The following PHF12 variants were observed in gnomAD, a reference collection of about 807,000 sequenced individuals.
PHF12 encodes the protein PHD finger protein 12.
Under a neutral mutation model 99.8 loss-of-function variants are expected in PHF12, and 6 were observed. The observed-to-expected ratio is 0.06, with a 90% confidence interval of 0.03 to 0.12. The LOEUF (loss-of-function observed/expected upper bound fraction) is 0.12, where lower values mean the gene tolerates loss of function less well. Among genes scored for constraint, PHF12 ranks in the 10% least tolerant of loss-of-function variants. The pLI, the probability that PHF12 is intolerant of heterozygous loss-of-function variation, is 1.00. For missense variants in PHF12, 954 were observed against 1,300.1 expected (o/e 0.73, Z 4.09); for synonymous variants, 480 against 514.9 (o/e 0.93, Z 0.92).
intron 5 of PHF12, among the ~76,000 whole-genome samples, chr17:28,920,484 G>C (rs566601642): frequency 3.3e-5 from 5 of 152,338 alleles, no homozygotes; most frequent in Admixed American, 2.0e-4. Context: ...CACTATCATA[G>C]ATCCTTATAC....
chr17:28,950,345 C>G lies in PHF12; in HGVS notation c.67-99G>C, dbSNP rs147098834. On this transcript the variant is annotated intron_variant, in intron 1 of 14. Transcript: ENST00000332830. This position sits in a 1 kb window ranked among gnomAD's most constrained non-coding sequence, Gnocchi z 5.7. The stretch of plus-strand genomic sequence containing the variant: ...TCTCCGTCACCCACCCCTCTCCCCC[C>G]TTTTGTCCTTCTTCCTCCCATCCAG... 9 of 1,309,560 alleles carry G rather than the reference C, an allele frequency of 6.9e-6. No homozygotes were observed. Among genetic ancestry groups the G allele is most frequent in the South Asian group, 1.4e-5 (1 of 71,576 alleles). The allele number at this position is 1,309,560 out of a possible 1,614,324, so 81.1% of individuals were successfully genotyped here.
At chr17:28,911,018 C>G in intron 10 of PHF12, 94 bp downstream of exon 10, 2 of 1,548,656 alleles carry the variant, frequency 1.3e-6, no homozygotes, top group Admixed American at 1.8e-5. Context: ...GATCAGGTGT[C>G]CCTTCCCTCC....
At chr17:28,922,032 T>C (rs115755467) in intron 4 of PHF12, among the ~76,000 whole-genome samples, 235 of 152,290 alleles carry the variant, frequency 1.5e-3, no homozygotes, top group African/African-American at 5.2e-3. Flanking sequence ...AAGTCACCTG[T>C]TCTATGGCAG....
chr17:28,941,983 G>A (rs2040625491), intron 2 of PHF12, among the ~76,000 whole-genome samples: 1 of 152,144 alleles, frequency 6.6e-6, no homozygotes, highest in South Asian at 2.1e-4. Context: ...TGTGGCTAGT[G>A]GGTGACAGGT....
chr17:28,923,383 C>T (rs1365140598), intron 4 of PHF12, among the ~76,000 whole-genome samples: 2 of 149,470 alleles, frequency 1.3e-5, no homozygotes, highest in Admixed American at 6.6e-5. Flanking sequence ...TGGGGCCGGG[C>T]GTGGTGACTC....
At chr17:28,909,023 A>C in intron 11 of PHF12, 142 bp from the exon 12 acceptor site, 1 of 739,854 alleles carries the variant, frequency 1.4e-6, no homozygotes. Context: ...CACATCCAAC[A>C]CTGAGCTGCG....
At position 28,906,665 on chromosome 17, in the gene PHF12, GAA is replaced by G; in HGVS notation, c.2681-150_2681-149del. 1 of 1,211,776 alleles carries G rather than the reference GAA, an allele frequency of 8.3e-7. No individual in the cohort carries two copies. The highest frequency in any genetic ancestry group is 1.1e-6 in the Non-Finnish European group (1 of 877,222). 75.1% of individuals were successfully genotyped at this position (1,211,776 alleles called of 1,614,324 possible). On this transcript the variant is annotated intron_variant, in intron 14 of 14. Transcript: ENST00000332830. This position sits in a 1 kb window ranked among gnomAD's most constrained non-coding sequence, Gnocchi z 4.2. ...TGCTCAGAAAGGGTTGGTGGAGTCT[GAA>G]GTCCCCACAGGTGTGTACACACATG...
At position 28,949,693 on chromosome 17, in the gene PHF12, A is replaced by C. The variant is rs1019336206; in HGVS notation, c.248+372T>G. On this transcript the variant is annotated intron_variant, in intron 2 of 14. Transcript: ENST00000332830. The surrounding 1 kb of genome is among the most constrained non-coding windows in gnomAD (Gnocchi z 4.6). ...CCCGAGGAGATCCCGGCCGGGCAGG[A>C]GCCCCGAGGGCAGCGGGCGCGCGGG... 41 of 175,616 alleles carry C rather than the reference A, an allele frequency of 2.3e-4. No homozygotes were observed. The highest frequency in any genetic ancestry group is 9.7e-4 in the African/African-American group (41 of 42,108). 10.9% of individuals were successfully genotyped at this position (175,616 alleles called of 1,614,324 possible).
rs183014573 is a variant in PHF12, at chr17:28,907,560, G to A, written c.2541+30C>T. 5.0e-6 allele frequency: 8 copies of A among 1,610,442 alleles called. No homozygotes were observed. In the East Asian group the frequency reaches 1.6e-4, roughly 31 times the overall value. On this transcript the variant is annotated intron_variant, in intron 13 of 14. Coordinates refer to ENST00000332830, the MANE Select transcript of PHF12 (RefSeq NM_001033561.2). ...CTGGGAGAGGCCTCAGGTTGGGAAA[G>A]CTCCCTCCCACCGCATCTCCGGCCC...
intron 2 of PHF12, among the ~76,000 whole-genome samples, chr17:28,931,095 C>G: frequency 6.6e-6 from 1 of 151,956 alleles, no homozygotes; most frequent in East Asian, 1.9e-4. Context: ...ACAAACAAAA[C>G]CACACATTCC....
At chr17:28,931,100 C>A (rs1014359301) in intron 2 of PHF12, among the ~76,000 whole-genome samples, 5 of 152,100 alleles carry the variant, frequency 3.3e-5, no homozygotes, top group Admixed American at 3.3e-4. Context: ...CAAAACCACA[C>A]ATTCCTCAGA....
At chr17:28,942,792 G>A (rs929897543) in intron 2 of PHF12, among the ~76,000 whole-genome samples, 1 of 151,858 alleles carries the variant, frequency 6.6e-6, no homozygotes, top group Non-Finnish European at 1.5e-5. Flanking sequence ...CTCCAGCCTC[G>A]GCGACAGAGG....
chr17:28,936,568 C>A (rs2040513113), intron 2 of PHF12, among the ~76,000 whole-genome samples: 1 of 152,202 alleles, frequency 6.6e-6, no homozygotes, highest in African/African-American at 2.4e-5. Context: ...TAGGGTCTTT[C>A]TTGTCAGAAC....
At chr17:28,929,153 C>A (rs1364609611) in intron 2 of PHF12, among the ~76,000 whole-genome samples, 1 of 151,602 alleles carries the variant, frequency 6.6e-6, no homozygotes, top group East Asian at 1.9e-4. Context: ...GAAATTCCTA[C>A]CATTGAGTTC....
intron 6 of PHF12, among the ~76,000 whole-genome samples, chr17:28,918,633 G>A (rs1424201578): frequency 1.3e-5 from 2 of 152,166 alleles, no homozygotes; most frequent in Non-Finnish European, 2.9e-5. Context: ...TGTTCTAACT[G>A]CCTATAAAGA....
At chr17:28,941,425 GTCCAGTAAATA>G (rs1250999477) in intron 2 of PHF12, among the ~76,000 whole-genome samples, 1 of 152,084 alleles carries the variant, frequency 6.6e-6, no homozygotes, top group Non-Finnish European at 1.5e-5. Flanking sequence ...ATATAAAACT[GTCCAGTAAATA>G]TTCTCTGCGC....
At position 28,933,497 on chromosome 17, in the gene PHF12, G is replaced by A. The variant is rs148265914; in HGVS notation, c.249-6434C>T. 2.6e-5 allele frequency among the ~76,000 whole-genome samples: 4 copies of A among 152,224 alleles called. No homozygotes were observed. The East Asian group carries it at 7.7e-4, about 29-fold the overall frequency. On this transcript the variant is annotated intron_variant, in intron 2 of 14. Transcript: ENST00000332830. The stretch of plus-strand genomic sequence containing the variant: ...GAAATCTTGAGCCTAAGCTATTTTT[G>A]TTGTTGTTGTTTTGTTTTTGGTTCA...
At chr17:28,939,966 A>G (rs1457492898) in intron 2 of PHF12, among the ~76,000 whole-genome samples, 1 of 152,234 alleles carries the variant, frequency 6.6e-6, no homozygotes, top group Non-Finnish European at 1.5e-5. Context: ...GATCAGTAGG[A>G]AAGACTGACG....
In PHF12 at chr17:28,908,899, G is replaced by A. The variant is rs757023318; in HGVS notation, c.2360-18C>T. On this transcript the variant is annotated intron_variant, in intron 11 of 14. Transcript: ENST00000332830. Reference sequence around the variant, plus strand: ...TCTTTGCACTACAAGACAAACATAGGAATAGGATCATTCAGAAACTCAGAT... The same window carrying A: ...TCTTTGCACTACAAGACAAACATAGAAATAGGATCATTCAGAAACTCAGAT... 3.1e-6 allele frequency: 5 copies of A among 1,601,410 alleles called. No homozygotes were observed. The highest frequency in any genetic ancestry group is 4.3e-6 in the Non-Finnish European group (5 of 1,169,986).
Sources: gnomAD v4.1 joint callset for allele counts (sites outside exome capture counted in the v4.1 genomes callset) on GRCh38, gnomAD v4.1.1 for gene constraint, Gnocchi (gnomAD v3.1) non-coding constraint, MANE v1.5 for transcripts, NCBI Gene and HGNC (gene_info 2026-07-23, HGNC 2026-07-21) for gene names.